The following PPME1 variants were observed in gnomAD, a reference collection of about 807,000 sequenced individuals.
PPME1 encodes the protein protein phosphatase methylesterase 1, also known as testicular secretory protein Li 39.
In PPME1, 17 loss-of-function variants were observed where a neutral mutation model predicts 56.9. The observed-to-expected ratio is 0.30, with a 90% CI of 0.20 to 0.45. The LOEUF (loss-of-function observed/expected upper bound fraction) is 0.45, where lower values mean the gene tolerates loss of function less well. Among genes scored for constraint, PPME1 ranks in the 20% least tolerant of loss-of-function variants. The pLI is 1.00. For missense variants in PPME1, 357 were observed against 483.2 expected, an observed-to-expected ratio of 0.74 and a Z score of 2.45; for synonymous variants, 122 against 156.2, an observed-to-expected ratio of 0.78 and a Z score of 1.63.
chr11:74,251,062 TAAC>T, intron 12 of PPME1, 44 bp downstream of exon 12: 1 of 1,559,096 alleles, frequency 6.4e-7, no homozygotes, highest in South Asian at 1.2e-5. Context: ...ACTGTGAGAA[TAAC>T]CCTGGATGTC....
At chr11:74,231,759 ATGG>A (rs1859074475) in intron 7 of PPME1, among the ~76,000 whole-genome samples, 1 of 152,206 alleles carries the variant, frequency 6.6e-6, no homozygotes, top group East Asian at 1.9e-4. Context: ...TTCAGATAAA[ATGG>A]TGGAGAAATG....
Position 74,253,621 on chromosome 11 carries a change from G to A in PPME1, c.*111G>A, listed in dbSNP as rs1039439329. The A allele has an allele frequency of 1.4e-5, 18 of 1,252,386 alleles. No homozygotes were observed. The highest frequency in any genetic ancestry group is 2.0e-5 in the Non-Finnish European group (17 of 854,874). The allele number at this position is 1,252,386 out of a possible 1,614,324, so 77.6% of individuals were successfully genotyped here. A position where few individuals can be genotyped will look rare whatever the true frequency, so the allele number is the denominator to read the frequency against. On this transcript the variant is annotated 3_prime_UTR_variant, in exon 14 of 14. Transcript: ENST00000328257. Reference sequence around the variant, plus strand: ...CCATCCCGCCCAGCCATGTGACACTGGCTCCCGGTAGACGGGCACCCCGAG... The same window carrying A: ...CCATCCCGCCCAGCCATGTGACACTAGCTCCCGGTAGACGGGCACCCCGAG...
At chr11:74,201,860 A>T (rs1481978328) in intron 1 of PPME1, among the ~76,000 whole-genome samples, 3 of 152,310 alleles carry the variant, frequency 2.0e-5, no homozygotes, top group South Asian at 4.1e-4. Context: ...TAATCAAATT[A>T]GTGTAGGATA....
At chr11:74,211,766 G>C (rs1209532606) in intron 3 of PPME1, among the ~76,000 whole-genome samples, 2 of 152,058 alleles carry the variant, frequency 1.3e-5, no homozygotes, top group African/African-American at 2.4e-5. Flanking sequence ...AAACTACAAA[G>C]CGGTAAGAAG....
chr11:74,229,337 T>C (rs1156283814), intron 5 of PPME1, among the ~76,000 whole-genome samples: 3 of 152,142 alleles, frequency 2.0e-5, no homozygotes, highest in African/African-American at 7.2e-5. Flanking sequence ...CCTAAAAATA[T>C]ATATATATAA....
intron 1 of PPME1, among the ~76,000 whole-genome samples, chr11:74,185,542 A>G (rs376265287): frequency 7.2e-5 from 11 of 151,804 alleles, no homozygotes; most frequent in African/African-American, 2.7e-4. Context: ...CCTTTGCAAA[A>G]CATCAAAAAG....
At chr11:74,252,543 C>T in intron 13 of PPME1, 1 of 454,954 alleles carries the variant, frequency 2.2e-6, no homozygotes, top group Non-Finnish European at 4.4e-6. Flanking sequence ...AGGGGTGATC[C>T]TGGAAGCTCT....
intron 1 of PPME1, among the ~76,000 whole-genome samples, chr11:74,187,993 G>T (rs956067052): frequency 6.6e-6 from 1 of 152,118 alleles, no homozygotes; most frequent in Non-Finnish European, 1.5e-5. Flanking sequence ...ATGCTGTGTT[G>T]CTTGCCGGCT....
At chr11:74,215,994 A>G (rs1858630668) in intron 3 of PPME1, among the ~76,000 whole-genome samples, 1 of 152,232 alleles carries the variant, frequency 6.6e-6, no homozygotes, top group Non-Finnish European at 1.5e-5. Context: ...GAGCACCCAA[A>G]TAGGTAAAGC....
At chr11:74,195,293 C>G (rs1857951077) in intron 1 of PPME1, among the ~76,000 whole-genome samples, 1 of 152,086 alleles carries the variant, frequency 6.6e-6, no homozygotes, top group Non-Finnish European at 1.5e-5. Context: ...CCTGGCTTTT[C>G]TTTATTGTTT....
intron 7 of PPME1, among the ~76,000 whole-genome samples, chr11:74,233,883 A>G (rs1025975568): frequency 1.3e-5 from 2 of 152,208 alleles, no homozygotes; most frequent in South Asian, 4.1e-4. Flanking sequence ...ACAAATTTGC[A>G]TCTTGGTTAC....
intron 1 of PPME1, among the ~76,000 whole-genome samples, chr11:74,187,095 CATT>C (rs1295084080): frequency 6.6e-6 from 1 of 152,172 alleles, no homozygotes; most frequent in African/African-American, 2.4e-5. Flanking sequence ...AATTCTATAT[CATT>C]GATTTATATA....
rs1282062289 is a variant in PPME1, at chr11:74,171,431, C to T, written c.10C>T (p.Leu4Phe). The T allele has an allele frequency of 6.2e-7, 1 of 1,612,276 alleles. No homozygotes were observed. Among genetic ancestry groups the T allele is most frequent in the Non-Finnish European group, 8.5e-7 (1 of 1,179,326 alleles). The change falls in exon 1 of 14, where the codon CTC (leucine) becomes TTC (phenylalanine). Residue 4 changes from leucine (L) to phenylalanine (F), a missense_variant. Coordinates refer to ENST00000328257, the MANE Select transcript of PPME1 (RefSeq NM_016147.3). ...GTGCAGCCTCCCCTCGATGTCGGCC[C>T]TCGAAAAGAGCATGCACCTCGGCCG... MSA[L>F]EKSMHLGRLP...
intron 9 of PPME1, among the ~76,000 whole-genome samples, chr11:74,239,913 C>G (rs1049594170): frequency 6.7e-6 from 1 of 150,124 alleles, no homozygotes. Flanking sequence ...GTCCATCTGT[C>G]TTTCAAAGTT....
chr11:74,252,571 C>T, intron 13 of PPME1: 1 of 454,058 alleles, frequency 2.2e-6, no homozygotes, highest in Non-Finnish European at 4.4e-6. Flanking sequence ...GGTTTTCAAC[C>T]TCAGCTTTAT....
chr11:74,219,937 TA>T (rs1167823256), intron 3 of PPME1, among the ~76,000 whole-genome samples: 1 of 152,166 alleles, frequency 6.6e-6, no homozygotes, highest in East Asian at 1.9e-4. Context: ...GAAGAAAGGA[TA>T]AATGCTTAAA....
intron 1 of PPME1, among the ~76,000 whole-genome samples, chr11:74,198,021 A>AG (rs754041340): frequency 6.6e-6 from 1 of 152,236 alleles, no homozygotes; most frequent in East Asian, 1.9e-4. Flanking sequence ...TGGCAATAGG[A>AG]GGGGGGAGGA....
intron 3 of PPME1, among the ~76,000 whole-genome samples, chr11:74,215,428 T>C (rs890482163): frequency 6.6e-6 from 1 of 152,202 alleles, no homozygotes; most frequent in African/African-American, 2.4e-5. Flanking sequence ...TCTATGCTTG[T>C]TTGTTTGTTT....
At chr11:74,232,676 T>A (rs1859096953) in intron 7 of PPME1, among the ~76,000 whole-genome samples, 1 of 144,264 alleles carries the variant, frequency 6.9e-6, no homozygotes, top group African/African-American at 2.5e-5. Context: ...TATCCAAACT[T>A]TTTTTTTTTT....
Sources: gnomAD v4.1 joint callset for allele counts (sites outside exome capture counted in the v4.1 genomes callset) on GRCh38, gnomAD v4.1.1 for gene constraint, MANE v1.5 for transcripts, NCBI Gene and HGNC (gene_info 2026-07-23, HGNC 2026-07-21) for gene names.